Variants in CCDC171 observed in about 807,000 individuals in gnomAD.
The protein encoded by CCDC171 is coiled-coil domain containing 171.
A neutral mutation model predicts 168.2 loss-of-function variants in CCDC171; 177 were observed. The ratio of observed to expected loss-of-function variants is 1.05; its 90% CI spans 0.93 to 1.19. The LOEUF (loss-of-function observed/expected upper bound fraction) is 1.19, where lower values mean the gene tolerates loss of function less well. CCDC171 is among the 50% of genes most tolerant of loss of function. The pLI is 0.00. For synonymous variants in CCDC171, 687 were observed against 540.8 expected (o/e 1.27, Z -3.75); for missense variants, 1,991 against 1,539.0 (o/e 1.29, Z -4.91).
chr9:15,844,309 G>A (rs2060807955), intron 21 of CCDC171, among the ~76,000 whole-genome samples: 1 of 151,872 alleles, frequency 6.6e-6, no homozygotes, highest in African/African-American at 2.4e-5. Flanking sequence ...AAATATATAT[G>A]TGATGTGTAT....
intron 21 of CCDC171, among the ~76,000 whole-genome samples, chr9:15,811,720 C>T (rs1588648600): frequency 6.6e-6 from 1 of 152,078 alleles, no homozygotes; most frequent in East Asian, 1.9e-4. Flanking sequence ...TGGTAGGCAC[C>T]CCATGTTAGT....
chr9:15,561,169 A>G (rs1236051160), intron 1 of CCDC171, among the ~76,000 whole-genome samples: 3 of 152,168 alleles, frequency 2.0e-5, no homozygotes, highest in Admixed American at 6.5e-5. Context: ...TGTATAAAGT[A>G]TGGATATTAG....
intron 25 of CCDC171, among the ~76,000 whole-genome samples, chr9:15,966,103 T>C (rs919379976): frequency 1.3e-5 from 2 of 152,156 alleles, no homozygotes; most frequent in African/African-American, 4.8e-5. Flanking sequence ...CATAGTTTTA[T>C]AGCGGAAATA....
chr9:15,743,924 A>G (rs2055074118), intron 16 of CCDC171, among the ~76,000 whole-genome samples: 1 of 152,216 alleles, frequency 6.6e-6, no homozygotes, highest in Non-Finnish European at 1.5e-5. Flanking sequence ...ATTAGTGAGG[A>G]GTGGAAGAAG....
chr9:15,617,628 G>A (rs534410091), intron 6 of CCDC171, among the ~76,000 whole-genome samples: 2 of 151,970 alleles, frequency 1.3e-5, no homozygotes, highest in East Asian at 1.9e-4. Flanking sequence ...CACCCGCCTC[G>A]GCCTCCAAAA....
chr9:15,646,793 A>G (rs543743146), intron 7 of CCDC171, among the ~76,000 whole-genome samples: 4 of 152,194 alleles, frequency 2.6e-5, no homozygotes, highest in Non-Finnish European at 5.9e-5. Context: ...CTCCCACACA[A>G]TAATAATGGG....
intron 18 of CCDC171, among the ~76,000 whole-genome samples, chr9:15,754,027 A>G (rs1185441158): frequency 6.6e-6 from 1 of 152,124 alleles, no homozygotes. Flanking sequence ...TTTCATTTTA[A>G]GTTATATTTT....
At chr9:15,710,735 A>T (rs184875204) in intron 11 of CCDC171, among the ~76,000 whole-genome samples, 1 of 152,200 alleles carries the variant, frequency 6.6e-6, no homozygotes, top group African/African-American at 2.4e-5. Flanking sequence ...ACCTGAGACT[A>T]CAGGTGTGCA....
At chr9:15,868,475 A>G (rs908188214) in intron 23 of CCDC171, among the ~76,000 whole-genome samples, 9 of 139,856 alleles carry the variant, frequency 6.4e-5, no homozygotes, top group African/African-American at 2.3e-4. Flanking sequence ...AATTGTGTTC[A>G]TGTGTGTACA....
the CCDC171 span, among the ~76,000 whole-genome samples, chr9:16,074,384 A>G: frequency 6.6e-6 from 1 of 152,236 alleles, no homozygotes; most frequent in African/African-American, 2.4e-5. Flanking sequence ...ACATTCTGCC[A>G]TGTTGAACCA....
At chr9:15,670,772 T>C (rs2049053879) in intron 9 of CCDC171, among the ~76,000 whole-genome samples, 1 of 152,338 alleles carries the variant, frequency 6.6e-6, no homozygotes, top group East Asian at 1.9e-4. Flanking sequence ...GTCTGTCTTA[T>C]GTAACAAGAA....
rs192899597 is a variant in CCDC171 at position 15,809,412 on chromosome 9, T to C, written c.3267+24718T>C. Among the ~76,000 whole-genome samples the C allele has an allele frequency of 3.3e-5, 5 of 152,350 alleles. No homozygotes were observed. In the East Asian group the frequency reaches 9.6e-4, roughly 29 times the overall value. The stretch of plus-strand genomic sequence containing the variant: ...GAAATTGGTGGGTTCCTGGTCTCAC[T>C]GACTTCAAGAATGAAGCTACAGACT... On this transcript the variant is annotated intron_variant, in intron 21 of 25. Transcript: ENST00000380701.
chr9:16,082,510 C>T, the CCDC171 span, among the ~76,000 whole-genome samples: 1 of 152,132 alleles, frequency 6.6e-6, no homozygotes. Context: ...GTATTTTTGA[C>T]CTGGGCCTGG....
At chr9:15,810,083 G>T (rs1329530242) in intron 21 of CCDC171, among the ~76,000 whole-genome samples, 1 of 152,130 alleles carries the variant, frequency 6.6e-6, no homozygotes, top group Admixed American at 6.5e-5. Flanking sequence ...CCCCGAGCTA[G>T]ACACAGAGTG....
intron 18 of CCDC171, among the ~76,000 whole-genome samples, chr9:15,766,952 G>A (rs1302076786): frequency 6.6e-6 from 1 of 152,134 alleles, no homozygotes; most frequent in Non-Finnish European, 1.5e-5. Flanking sequence ...GTGAGCCACT[G>A]CACCTGGTTT....
At chr9:15,645,626 C>T (rs1168067661) in intron 7 of CCDC171, among the ~76,000 whole-genome samples, 1 of 151,998 alleles carries the variant, frequency 6.6e-6, no homozygotes, top group Non-Finnish European at 1.5e-5. Flanking sequence ...CCGATTTGAA[C>T]AAGTGAAAGA....
intron 21 of CCDC171, among the ~76,000 whole-genome samples, chr9:15,826,500 T>C (rs1175193450): frequency 6.6e-6 from 1 of 152,186 alleles, no homozygotes; most frequent in Non-Finnish European, 1.5e-5. Context: ...GCATGGCTTT[T>C]GAGACTATGT....
intron 3 of CCDC171, among the ~76,000 whole-genome samples, chr9:15,572,636 T>C (rs977597645): frequency 6.6e-6 from 1 of 152,240 alleles, no homozygotes; most frequent in Non-Finnish European, 1.5e-5. Context: ...GCAGTTCTCA[T>C]GTTGGGAAAC....
intron 1 of CCDC171, among the ~76,000 whole-genome samples, chr9:15,554,911 T>C (rs1321854511): frequency 6.6e-6 from 1 of 152,192 alleles, no homozygotes; most frequent in Admixed American, 6.5e-5. Flanking sequence ...TCAGGAATGC[T>C]GATCTCAGTA....
Sources: gnomAD v4.1 joint callset for allele counts (sites outside exome capture counted in the v4.1 genomes callset) on GRCh38, gnomAD v4.1.1 for gene constraint, MANE v1.5 for transcripts, NCBI Gene and HGNC (gene_info 2026-07-23, HGNC 2026-07-21) for gene names.